Variants in METAP1 observed in about 807,000 individuals in gnomAD.
The protein encoded by METAP1 is methionyl aminopeptidase 1, also known as methionine aminopeptidase 1.
In METAP1, 28 loss-of-function variants were observed where a neutral mutation model predicts 53.8. That is an observed-to-expected ratio of 0.52 (90% CI 0.39 to 0.71). The LOEUF is 0.71. Among genes scored for constraint, METAP1 ranks in the 30% least tolerant of loss-of-function variants. The pLI, the probability that METAP1 is intolerant of heterozygous loss-of-function variation, is 0.00. For synonymous variants in METAP1, 181 were observed against 165.7 expected, an observed-to-expected ratio of 1.09 and a Z score of -0.71; for missense variants, 389 against 479.8, an observed-to-expected ratio of 0.81 and a Z score of 1.77.
At chr4:99,022,749 G>C (rs372626239) in intron 1 of METAP1, 9 of 1,600,520 alleles carry the variant, frequency 5.6e-6, no homozygotes, top group Non-Finnish European at 7.7e-6. Flanking sequence ...GTACCCATAG[G>C]CGTGTTGTGT....
chr4:99,022,586 T>C (rs1724205538), intron 1 of METAP1: 1 of 659,032 alleles, frequency 1.5e-6, no homozygotes, highest in African/African-American at 1.8e-5. Flanking sequence ...TAGAAGATGG[T>C]CTCACACTTG....
At chr4:99,050,903 T>G (rs1233386744) in intron 9 of METAP1, among the ~76,000 whole-genome samples, 1 of 152,166 alleles carries the variant, frequency 6.6e-6, no homozygotes, top group Non-Finnish European at 1.5e-5. Context: ...GACTGCTGGT[T>G]TAGAGCACAG....
chr4:99,005,887 G>C (rs534089518), intron 1 of METAP1: 2 of 319,884 alleles, frequency 6.3e-6, no homozygotes, highest in Non-Finnish European at 1.2e-5. Flanking sequence ...AAAGACATTC[G>C]GAGTGGTATA....
intron 1 of METAP1, among the ~76,000 whole-genome samples, chr4:99,005,287 GA>G (rs979002503): frequency 6.6e-5 from 10 of 150,388 alleles, no homozygotes; most frequent in African/African-American, 9.8e-5. Context: ...AAATCAGCAA[GA>G]AAAAAAAATC....
intron 6 of METAP1, among the ~76,000 whole-genome samples, chr4:99,042,733 G>A (rs866074722): frequency 6.6e-6 from 1 of 151,960 alleles, no homozygotes; most frequent in Non-Finnish European, 1.5e-5. Context: ...TAATTCTAAA[G>A]TAAAATCTTC....
intron 9 of METAP1, 46 bp downstream of exon 9, chr4:99,048,922 C>T: frequency 6.3e-7 from 1 of 1,579,054 alleles, no homozygotes; most frequent in Admixed American, 1.8e-5. Context: ...ATTTATTCAA[C>T]AAATACTTAT....
chr4:99,011,792 T>C (rs909768610), intron 1 of METAP1, among the ~76,000 whole-genome samples: 1 of 151,642 alleles, frequency 6.6e-6, no homozygotes, highest in African/African-American at 2.4e-5. Context: ...AATACAAAAT[T>C]AGCCAGGCGT....
chr4:99,028,327 A>G (rs1724729318), intron 1 of METAP1, among the ~76,000 whole-genome samples: 1 of 152,152 alleles, frequency 6.6e-6, no homozygotes, highest in East Asian at 1.9e-4. Context: ...TCAGTCAAGC[A>G]TTCACTGAAA....
At chr4:99,024,305 G>A (rs1724389764) in intron 1 of METAP1, among the ~76,000 whole-genome samples, 2 of 152,140 alleles carry the variant, frequency 1.3e-5, no homozygotes, top group African/African-American at 4.8e-5. Context: ...CACTTGGAGA[G>A]CTCGGCTCTT....
At chr4:99,034,111 T>C (rs550988763) in intron 2 of METAP1, 119 bp from the exon 3 acceptor site, 1 of 641,600 alleles carries the variant, frequency 1.6e-6, no homozygotes, top group Admixed American at 2.8e-5. Flanking sequence ...CCTGGACTTG[T>C]TGGCTTGGTT....
intron 1 of METAP1, among the ~76,000 whole-genome samples, chr4:99,016,286 G>A (rs1469984673): frequency 2.0e-5 from 3 of 152,224 alleles, no homozygotes; most frequent in Non-Finnish European, 2.9e-5. Context: ...GGATGAACCT[G>A]TATCTCTTCG....
rs1201155919 is a variant in METAP1, at chr4:99,062,723, CTG to C, written c.*1408_*1409del. On this transcript the variant is annotated 3_prime_UTR_variant, in exon 11 of 11. Transcript: ENST00000296411. ...GTATGTGTGTGAAGTTTTTATCAAA[CTG>C]TAATATTTGTGAATGGAATGCCTTG... is the stretch of plus-strand genomic sequence containing the variant. 2 of 152,606 alleles carry C rather than the reference CTG, an allele frequency of 1.3e-5. No homozygotes were observed. The highest frequency in any genetic ancestry group is 2.4e-5 in the African/African-American group (1 of 41,490). 9.5% of individuals were successfully genotyped at this position (152,606 alleles called of 1,614,324 possible). A position where few individuals can be genotyped will look rare whatever the true frequency, so the allele number is the denominator to read the frequency against.
chr4:99,001,487 A>C (rs1254414976), intron 1 of METAP1, among the ~76,000 whole-genome samples: 1 of 152,206 alleles, frequency 6.6e-6, no homozygotes, highest in Admixed American at 6.5e-5. Flanking sequence ...ATGTGCACAC[A>C]GTTGTGTATG....
At chr4:99,012,667 T>G (rs979132695) in intron 1 of METAP1, among the ~76,000 whole-genome samples, 12 of 150,232 alleles carry the variant, frequency 8.0e-5, no homozygotes, top group African/African-American at 2.7e-4. Context: ...TTTTTTTTTT[T>G]TTTTTTTTTT....
chr4:99,007,351 C>A (rs1355159985), intron 1 of METAP1, among the ~76,000 whole-genome samples: 1 of 152,142 alleles, frequency 6.6e-6, no homozygotes, highest in Non-Finnish European at 1.5e-5. Flanking sequence ...CTGTTCCTAG[C>A]AGATCACCAT....
At chr4:99,051,460 A>G (rs1726697733) in intron 9 of METAP1, among the ~76,000 whole-genome samples, 1 of 151,956 alleles carries the variant, frequency 6.6e-6, no homozygotes, top group African/African-American at 2.4e-5. Context: ...GTGCAGTCAC[A>G]GCTCACTGGA....
In METAP1 at chr4:99,043,350, A is replaced by G; in HGVS notation, c.618A>G (p.Pro206=). The G allele has an allele frequency of 3.1e-6, 5 of 1,604,914 alleles. No homozygotes were observed. Among genetic ancestry groups the G allele is most frequent in the Non-Finnish European group, 3.4e-6 (4 of 1,175,262 alleles). ...SVNEVICHGI[P]DRRPLQEGDI... is the part of the protein sequence containing the mutation. ...ATGAAGTCATTTGCCATGGAATACC[A>G]GACAGAAGGCCCTTACAAGAAGGTG... The change falls in exon 7 of 11, where the codon CCA becomes CCG. Residue 206 remains proline, a synonymous_variant. Transcript: ENST00000296411.
chr4:99,000,744 C>G (rs1213708372), intron 1 of METAP1, among the ~76,000 whole-genome samples: 1 of 149,968 alleles, frequency 6.7e-6, no homozygotes, highest in Admixed American at 6.6e-5. Flanking sequence ...CTCTGTCAAC[C>G]CAAGGTTGAA....
intron 10 of METAP1, 26 bp downstream of exon 10, chr4:99,057,844 T>A: frequency 6.4e-7 from 1 of 1,555,608 alleles, no homozygotes; most frequent in Non-Finnish European, 8.7e-7. Flanking sequence ...GCCATGATAT[T>A]TTTCAATTGA....
Sources: gnomAD v4.1 joint callset for allele counts (sites outside exome capture counted in the v4.1 genomes callset) on GRCh38, gnomAD v4.1.1 for gene constraint, MANE v1.5 for transcripts, NCBI Gene and HGNC (gene_info 2026-07-23, HGNC 2026-07-21) for gene names.